MIA2: variants seen among roughly 807,000 people sequenced by gnomAD.
The protein encoded by MIA2 is MIA SH3 domain ER export factor 2.
Under a neutral mutation model 167.8 loss-of-function variants are expected in MIA2, and 127 were observed. The ratio of observed to expected loss-of-function variants is 0.76; its 90% CI spans 0.66 to 0.88. The LOEUF (loss-of-function observed/expected upper bound fraction) is 0.88, where lower values mean the gene tolerates loss of function less well. Ranked by LOEUF, MIA2 falls within the 40% of genes least tolerant of loss-of-function variation. The pLI, the probability that MIA2 is intolerant of heterozygous loss-of-function variation, is 0.00. For missense variants in MIA2, 1,690 were observed against 1,624.7 expected (o/e 1.04, Z -0.69); for synonymous variants, 552 against 541.9 (o/e 1.02, Z -0.26).
At chr14:39,235,539 A>G (rs1405354783) in intron 1 of MIA2, among the ~76,000 whole-genome samples, 1 of 152,092 alleles carries the variant, frequency 6.6e-6, no homozygotes, top group Non-Finnish European at 1.5e-5. Context: ...GCACTTTGAG[A>G]GACTGAGGTG....
At chr14:39,336,015 A>G (rs1054100956) in intron 25 of MIA2, among the ~76,000 whole-genome samples, 5 of 152,262 alleles carry the variant, frequency 3.3e-5, no homozygotes, top group Admixed American at 3.3e-4. Flanking sequence ...GTTGGTGGGT[A>G]TCTGGGTTGA....
chr14:39,270,522 G>GTTGT (rs993157763), intron 6 of MIA2, among the ~76,000 whole-genome samples: 18 of 151,528 alleles, frequency 1.2e-4, no homozygotes, highest in African/African-American at 4.3e-4. Context: ...TGTTGTTGTT[G>GTTGT]TTGTTTGTTT....
intron 23 of MIA2, among the ~76,000 whole-genome samples, chr14:39,377,863 C>A (rs1309731391): frequency 6.6e-6 from 1 of 151,858 alleles, no homozygotes; most frequent in South Asian, 2.1e-4. Context: ...TTTATCTGTG[C>A]CTTCAAATAC....
chr14:39,320,578 C>G (rs1278175485), intron 23 of MIA2, among the ~76,000 whole-genome samples: 3 of 151,916 alleles, frequency 2.0e-5, no homozygotes, highest in Non-Finnish European at 4.4e-5. Context: ...GTGCATACTG[C>G]CAGTAAAAAC....
At chr14:39,283,259 G>A (rs375141881) in intron 9 of MIA2, among the ~76,000 whole-genome samples, 2 of 152,312 alleles carry the variant, frequency 1.3e-5, no homozygotes, top group East Asian at 3.9e-4. Flanking sequence ...ATATCTGGAA[G>A]AAGGTTTGCT....
intron 6 of MIA2, among the ~76,000 whole-genome samples, chr14:39,267,735 G>A (rs531054689): frequency 3.3e-5 from 5 of 152,356 alleles, no homozygotes; most frequent in Admixed American, 6.5e-5. Context: ...AGGACCTGGG[G>A]CTCTGGGAAG....
Position 39,350,291 on chromosome 14 carries a change from A to G in MIA2, c.*27A>G, listed in dbSNP as rs2074248853. ...AATATTTTTGCTCTCTTCAAAAGTAATTTTGACTGATCTCATTTTCAGTTT... is the reference window on the plus strand; with the variant it reads ...AATATTTTTGCTCTCTTCAAAAGTAGTTTTGACTGATCTCATTTTCAGTTT... On this transcript the variant is annotated 3_prime_UTR_variant, in exon 29 of 29. Coordinates refer to ENST00000640607, the MANE Select transcript of MIA2 (RefSeq NM_001329214.4). The G allele has an allele frequency of 9.2e-7, 1 of 1,081,786 alleles. No individual in the cohort carries two copies. Among genetic ancestry groups the G allele is most frequent in the Non-Finnish European group, 1.3e-6 (1 of 771,964 alleles). 67.0% of individuals were successfully genotyped at this position (1,081,786 alleles called of 1,614,324 possible).
downstream of MIA2, among the ~76,000 whole-genome samples, chr14:39,352,580 A>AC (rs2074418388): frequency 6.6e-6 from 1 of 151,286 alleles, no homozygotes; most frequent in Non-Finnish European, 1.5e-5. Flanking sequence ...TGGTTCCAGG[A>AC]CCCCCACAGA....
At chr14:39,241,121 A>G (rs1205476517) in intron 3 of MIA2, among the ~76,000 whole-genome samples, 1 of 152,246 alleles carries the variant, frequency 6.6e-6, no homozygotes, top group Admixed American at 6.5e-5. Flanking sequence ...TTACTAAGAT[A>G]AAAGTTTATT....
chr14:39,344,759 A>G (rs752778564), intron 25 of MIA2, among the ~76,000 whole-genome samples: 4 of 152,120 alleles, frequency 2.6e-5, no homozygotes, highest in Non-Finnish European at 4.4e-5. Flanking sequence ...CGTTCTCCTT[A>G]TTTTTGGAGT....
chr14:39,352,477 C>T (rs1457716455), downstream of MIA2, among the ~76,000 whole-genome samples: 2 of 151,762 alleles, frequency 1.3e-5, no homozygotes, highest in Non-Finnish European at 2.9e-5. Flanking sequence ...ATCTCAATTC[C>T]CCTTCTTCCT....
intron 6 of MIA2, chr14:39,253,459 G>T: frequency 2.4e-6 from 1 of 423,972 alleles, no homozygotes. Flanking sequence ...TACTAAATAA[G>T]TTAACTCAGG....
intron 9 of MIA2, among the ~76,000 whole-genome samples, chr14:39,280,945 G>GTCTC (rs71130836): frequency 2.5e-5 from 3 of 118,796 alleles, no homozygotes; most frequent in South Asian, 6.1e-4. Context: ...TTGAGACAGC[G>GTCTC]TCTCTCTCTC....
chr14:39,302,364 C>CT, intron 15 of MIA2, 115 bp downstream of exon 15: 1 of 1,176,680 alleles, frequency 8.5e-7, no homozygotes, highest in Non-Finnish European at 1.2e-6. Flanking sequence ...CACATTCTGT[C>CT]TGTCTGTGAC....
intron 23 of MIA2, among the ~76,000 whole-genome samples, chr14:39,360,155 A>G (rs2074648187): frequency 6.6e-6 from 1 of 152,176 alleles, no homozygotes; most frequent in Non-Finnish European, 1.5e-5. Context: ...TACAAAAATT[A>G]TCTGGGCATG....
intron 23 of MIA2, among the ~76,000 whole-genome samples, chr14:39,358,047 C>A (rs527759158): frequency 2.0e-5 from 3 of 152,258 alleles, no homozygotes; most frequent in African/African-American, 7.2e-5. Flanking sequence ...TTGCTCTTCT[C>A]AAGGAGTATC....
chr14:39,361,875 C>T (rs1211366367), intron 23 of MIA2, among the ~76,000 whole-genome samples: 1 of 152,078 alleles, frequency 6.6e-6, no homozygotes, highest in East Asian at 1.9e-4. Flanking sequence ...AAGAATGTTC[C>T]TTCTGTATTT....
At chr14:39,266,967 C>A in intron 6 of MIA2, 1 of 695,218 alleles carries the variant, frequency 1.4e-6, no homozygotes, top group Non-Finnish European at 1.8e-6. Flanking sequence ...CACACGACAG[C>A]GCGGAGTATG....
intron 18 of MIA2, among the ~76,000 whole-genome samples, chr14:39,309,617 T>C (rs988156123): frequency 6.6e-6 from 1 of 152,218 alleles, no homozygotes; most frequent in Non-Finnish European, 1.5e-5. Context: ...TAATACCTGC[T>C]ACTCTTTATT....
Sources: allele counts gnomAD v4.1 joint callset (sites outside exome capture counted in the v4.1 genomes callset), GRCh38; gene constraint gnomAD v4.1.1; transcripts MANE v1.5; gene names NCBI Gene and HGNC (gene_info 2026-07-23, HGNC 2026-07-21).